KCNN2: variants seen among roughly 807,000 people sequenced by gnomAD.
The protein encoded by KCNN2 is potassium calcium-activated channel subfamily N member 2, also known as small conductance calcium-activated potassium channel protein 2.
In KCNN2, 24 loss-of-function variants were observed where a neutral mutation model predicts 55.5. That is an observed-to-expected ratio of 0.43 (90% CI 0.31 to 0.61). The LOEUF (loss-of-function observed/expected upper bound fraction) is 0.61, where lower values mean the gene tolerates loss of function less well. KCNN2 is among the 20% of genes least tolerant of loss of function. KCNN2 has a pLI of 0.08. For missense variants in KCNN2, 754 were observed against 853.6 expected (o/e 0.88, Z 1.45); for synonymous variants, 431 against 336.1 (o/e 1.28, Z -3.09).
rs548141090 is a variant in KCNN2, at chr5:114,337,422, C to T, written c.-184-23523C>T. On this transcript the variant is annotated intron_variant, in intron 2 of 10. Transcript: ENST00000512097. ...ATGTAGCTAGTGAAAAGAACATTTA[C>T]ATGCAACTTGCAGTTATTTACAGTA... 2.6e-5 allele frequency among the ~76,000 whole-genome samples: 4 copies of T among 152,302 alleles called. No homozygotes were observed. In the East Asian group the frequency reaches 7.7e-4, roughly 29 times the overall value.
chr5:114,187,300 C>A (rs1226303278), intron 1 of KCNN2, among the ~76,000 whole-genome samples: 1 of 151,604 alleles, frequency 6.6e-6, no homozygotes, highest in African/African-American at 2.4e-5. Context: ...CATGAGTAAA[C>A]TGACACACTA....
rs540586160 is a variant in KCNN2 at position 114,184,444 on chromosome 5, T to C, written c.-270-37036T>C. 1.5e-4 allele frequency among the ~76,000 whole-genome samples: 23 copies of C among 152,318 alleles called. 1 individual carries two copies. In the South Asian group the frequency reaches 3.9e-3, roughly 26 times the overall value. On this transcript the variant is annotated intron_variant, in intron 1 of 10. Transcript: ENST00000512097. ...AAAATGGAGCTAAAAGATGTTGAGA[T>C]TGCAAATTCTGCAGTAATTAACAAG...
chr5:114,487,983 A>C (rs1052602279), intron 6 of KCNN2, among the ~76,000 whole-genome samples: 14 of 152,222 alleles, frequency 9.2e-5, no homozygotes, highest in Admixed American at 7.9e-4. Flanking sequence ...TGCTTTGGCT[A>C]TCCAATGAGA....
chr5:114,094,181 G>A (rs145577080), intron 1 of KCNN2, among the ~76,000 whole-genome samples: 51 of 152,174 alleles, frequency 3.4e-4, no homozygotes, highest in African/African-American at 9.6e-4. Context: ...TAACTTTCCT[G>A]CTTGCACCCT....
At position 114,143,334 on chromosome 5, in the gene KCNN2, A is replaced by G. The variant is rs139578239; in HGVS notation, c.-270-78146A>G. Among the ~76,000 whole-genome samples the G allele has an allele frequency of 9.2e-5, 14 of 152,344 alleles. No homozygotes were observed. In the East Asian group the frequency reaches 2.5e-3, roughly 27 times the overall value. On this transcript the variant is annotated intron_variant, in intron 1 of 10. Coordinates refer to the KCNN2 transcript ENST00000512097. ...CTTAAAACAGAAACACAGTCTTTCC[A>G]TAACCTATGATTGGGAAGATATTAA...
intron 2 of KCNN2, among the ~76,000 whole-genome samples, chr5:114,273,860 C>G (rs1755424883): frequency 6.6e-6 from 1 of 152,188 alleles, no homozygotes; most frequent in Non-Finnish European, 1.5e-5. Context: ...TAATTAGATC[C>G]CATTTGTCAA....
chr5:114,211,202 G>T (rs10463439), intron 1 of KCNN2, among the ~76,000 whole-genome samples: 65 of 152,094 alleles, frequency 4.3e-4, no homozygotes, highest in African/African-American at 1.5e-3. Flanking sequence ...CAGCAATCCC[G>T]TTACTGAGTA....
intron 2 of KCNN2, among the ~76,000 whole-genome samples, chr5:114,328,152 GT>G (rs1396738738): frequency 6.6e-6 from 1 of 152,046 alleles, no homozygotes; most frequent in Admixed American, 6.6e-5. Context: ...GGTGGCTTTT[GT>G]TTTTTTGGTG....
chr5:114,341,592 TA>T (rs918854705), intron 2 of KCNN2, among the ~76,000 whole-genome samples: 7 of 149,842 alleles, frequency 4.7e-5, no homozygotes, highest in African/African-American at 9.8e-5. Context: ...TCCCTCAAAA[TA>T]AAAAAAAAGT....
At chr5:114,296,665 A>C (rs185222611) in intron 2 of KCNN2, among the ~76,000 whole-genome samples, 2 of 152,352 alleles carry the variant, frequency 1.3e-5, no homozygotes, top group Admixed American at 6.5e-5. Flanking sequence ...AGCATGGTGC[A>C]GAATGGATGG....
At chr5:114,424,904 T>C (rs1221985069) in intron 3 of KCNN2, among the ~76,000 whole-genome samples, 1 of 152,060 alleles carries the variant, frequency 6.6e-6, no homozygotes, top group Non-Finnish European at 1.5e-5. Context: ...GATGCCCAGA[T>C]GTTGAAAGGT....
chr5:114,166,702 G>A (rs533452747), intron 1 of KCNN2, among the ~76,000 whole-genome samples: 134 of 152,234 alleles, frequency 8.8e-4, no homozygotes, highest in Non-Finnish European at 1.4e-3. Context: ...GACACATGTA[G>A]ATGTTTGCTA....
intron 1 of KCNN2, among the ~76,000 whole-genome samples, chr5:114,175,721 A>G (rs534836765): frequency 6.6e-6 from 1 of 152,238 alleles, no homozygotes; most frequent in Non-Finnish European, 1.5e-5. Context: ...ATGACCAAAA[A>G]TGAAATTAAA....
chr5:114,470,660 G>A (rs1433340413), intron 4 of KCNN2, among the ~76,000 whole-genome samples: 1 of 152,106 alleles, frequency 6.6e-6, no homozygotes, highest in African/African-American at 2.4e-5. Flanking sequence ...GTCTGCATAT[G>A]GCACAAAATA....
intron 1 of KCNN2, among the ~76,000 whole-genome samples, chr5:114,144,503 A>G (rs952731218): frequency 2.6e-5 from 4 of 152,090 alleles, no homozygotes; most frequent in African/African-American, 7.2e-5. Flanking sequence ...CCTTTTAAGA[A>G]TTTTTTGTAG....
chr5:114,198,829 A>T (rs913398987), intron 1 of KCNN2, among the ~76,000 whole-genome samples: 22 of 152,080 alleles, frequency 1.4e-4, no homozygotes, highest in African/African-American at 5.3e-4. Flanking sequence ...ATGTGTTAAG[A>T]CTTGTTTTGT....
intron 2 of KCNN2, among the ~76,000 whole-genome samples, chr5:114,372,295 A>G (rs1290709498): frequency 6.6e-6 from 1 of 152,174 alleles, no homozygotes; most frequent in Non-Finnish European, 1.5e-5. Context: ...TGGACAAGCC[A>G]AGGTCAGAGT....
At chr5:114,390,186 G>C (rs965853236) in intron 2 of KCNN2, among the ~76,000 whole-genome samples, 2 of 152,124 alleles carry the variant, frequency 1.3e-5, no homozygotes, top group African/African-American at 4.8e-5. Context: ...TATCATTTCA[G>C]ATTAAACTTT....
chr5:114,069,722 C>A (rs1014960807), intron 1 of KCNN2, among the ~76,000 whole-genome samples: 1 of 152,188 alleles, frequency 6.6e-6, no homozygotes. Flanking sequence ...ATGCCTTTGG[C>A]TGTGGACTAC....
Sources: allele counts gnomAD v4.1 joint callset (sites outside exome capture counted in the v4.1 genomes callset), GRCh38; gene constraint gnomAD v4.1.1; transcripts MANE v1.5; gene names NCBI Gene and HGNC (gene_info 2026-07-23, HGNC 2026-07-21).